VWA8: variants seen among roughly 807,000 people sequenced by gnomAD.
The protein encoded by VWA8 is von Willebrand factor A domain containing 8.
Under a neutral mutation model 241.5 loss-of-function variants are expected in VWA8, and 221 were observed. That is an observed-to-expected ratio of 0.91 (90% CI 0.82 to 1.02). The LOEUF is 1.02. VWA8 is among the 50% of genes least tolerant of loss of function. The pLI is 0.00. For synonymous variants in VWA8, 852 were observed against 827.1 expected (o/e 1.03, Z -0.52); for missense variants, 2,322 against 2,328.7 (o/e 1.00, Z 0.06).
At chr13:41,895,779 TATAAC>T (rs1202665065) in intron 4 of VWA8, among the ~76,000 whole-genome samples, 2 of 151,918 alleles carry the variant, frequency 1.3e-5, no homozygotes, top group Non-Finnish European at 2.9e-5. Context: ...GTTTTCAAGA[TATAAC>T]AAACTTCAGT....
Position 41,842,401 on chromosome 13 carries a change from T to C in VWA8, c.1426-8870A>G, listed in dbSNP as rs1028492793. On this transcript the variant is annotated intron_variant, in intron 12 of 44. Transcript: ENST00000379310. ...ATTTTTAACCTGTAGCACATAAAAT[T>C]AACTCCCTTTTATGTACAGGATGCG... Among the ~76,000 whole-genome samples the C allele has an allele frequency of 5.9e-5, 9 of 152,218 alleles. No individual in the cohort carries two copies. The East Asian group carries it at 1.7e-3, about 29-fold the overall frequency.
chr13:41,874,345 CAGGAG>C (rs1873795735), intron 9 of VWA8, among the ~76,000 whole-genome samples: 2 of 151,482 alleles, frequency 1.3e-5, no homozygotes, highest in South Asian at 4.2e-4. Context: ...GGCAATTAGG[CAGGAG>C]AAGGAAATAA....
intron 42 of VWA8, among the ~76,000 whole-genome samples, chr13:41,576,937 C>A (rs925261491): frequency 3.3e-5 from 5 of 152,204 alleles, no homozygotes; most frequent in Non-Finnish European, 7.3e-5. Flanking sequence ...GTGTGGACAC[C>A]CAGTGCTGAC....
intron 17 of VWA8, among the ~76,000 whole-genome samples, chr13:41,803,180 T>C (rs1204464749): frequency 3.9e-5 from 6 of 152,164 alleles, no homozygotes; most frequent in Non-Finnish European, 7.4e-5. Context: ...TTTGAATACT[T>C]GGAAATCTTT....
At chr13:41,870,574 G>T (rs1873545925) in intron 9 of VWA8, among the ~76,000 whole-genome samples, 1 of 151,354 alleles carries the variant, frequency 6.6e-6, no homozygotes, top group Non-Finnish European at 1.5e-5. Context: ...AGGAAGAGGA[G>T]GTTGCAGTGA....
chr13:41,933,549 TG>T (rs887199597), intron 2 of VWA8, among the ~76,000 whole-genome samples: 3 of 152,006 alleles, frequency 2.0e-5, no homozygotes, highest in Admixed American at 6.5e-5. Context: ...TAACATTATC[TG>T]ATTTCCAGAC....
intron 37 of VWA8, among the ~76,000 whole-genome samples, chr13:41,638,256 A>G (rs2044772002): frequency 1.3e-5 from 2 of 152,232 alleles, no homozygotes; most frequent in Non-Finnish European, 2.9e-5. Flanking sequence ...ATGATGCATT[A>G]AAGAATTACT....
intron 9 of VWA8, among the ~76,000 whole-genome samples, chr13:41,880,766 G>A (rs1047156318): frequency 5.9e-5 from 9 of 152,116 alleles, no homozygotes; most frequent in African/African-American, 2.2e-4. Flanking sequence ...GGGGAATTTG[G>A]GAGGCATACA....
rs373621049 is a variant in VWA8 at position 41,887,401 on chromosome 13, T to G, written c.652-40A>C. 1,440 of 1,580,768 alleles carry G rather than the reference T, an allele frequency of 9.1e-4. 17 individuals are homozygous for G. The South Asian group carries it at 0.016, about 17-fold the overall frequency. ...GATCCGGAAGCTATAGCATAAATGATACAAATCACAACTGTAAGAGCTGCC... is the reference window on the plus strand; with the variant it reads ...GATCCGGAAGCTATAGCATAAATGAGACAAATCACAACTGTAAGAGCTGCC... On this transcript the variant is annotated intron_variant, in intron 5 of 44. Transcript: ENST00000379310.
Position 41,575,836 on chromosome 13 carries a change from A to G in VWA8, c.5274T>C (p.Tyr1758=), listed in dbSNP as rs747961395. 2 of 1,607,766 alleles carry G rather than the reference A, an allele frequency of 1.2e-6. No homozygotes were observed. Among genetic ancestry groups the G allele is most frequent in the East Asian group, 2.2e-5 (1 of 44,848 alleles). ...CATCTCCAGAGTGTCCAACGATGTC[A>G]TACTACATGCAAGAGAACCAGAAAG... is the stretch of plus-strand genomic sequence containing the variant. The part of the protein sequence containing the change: ...AFENYEEKFQ[Y]DIVGHSGDGY... Residue 1758 remains tyrosine (Y), a splice_region_variant and synonymous_variant, in exon 43 of 45, where the codon TAT becomes TAC. Coordinates refer to ENST00000379310, the MANE Select transcript of VWA8 (RefSeq NM_015058.2).
At chr13:41,834,212 T>A (rs958937129) in intron 12 of VWA8, among the ~76,000 whole-genome samples, 2 of 152,234 alleles carry the variant, frequency 1.3e-5, no homozygotes, top group Non-Finnish European at 2.9e-5. Context: ...AAACTATTAA[T>A]AGTTGTGGCA....
At chr13:41,715,030 C>G (rs977628234) in intron 26 of VWA8, among the ~76,000 whole-genome samples, 1 of 151,838 alleles carries the variant, frequency 6.6e-6, no homozygotes, top group African/African-American at 2.4e-5. Flanking sequence ...TTACATATAG[C>G]CCAGCTGTAC....
At chr13:41,675,774 C>T (rs1042146669) in intron 35 of VWA8, among the ~76,000 whole-genome samples, 1 of 152,090 alleles carries the variant, frequency 6.6e-6, no homozygotes, top group Non-Finnish European at 1.5e-5. Flanking sequence ...GGGATAACAA[C>T]CCCACTGTAA....
intron 21 of VWA8, among the ~76,000 whole-genome samples, chr13:41,754,691 C>T (rs1183738049): frequency 6.6e-6 from 1 of 152,064 alleles, no homozygotes; most frequent in Non-Finnish European, 1.5e-5. Flanking sequence ...AATACTACAT[C>T]ATATGTATTC....
At chr13:41,723,409 C>T (rs2045408062) in intron 24 of VWA8, among the ~76,000 whole-genome samples, 1 of 152,164 alleles carries the variant, frequency 6.6e-6, no homozygotes, top group Admixed American at 6.6e-5. Flanking sequence ...CCTTCTGTGG[C>T]AGGCTAACTT....
At chr13:41,958,252 T>A (rs1449823984) in intron 1 of VWA8, among the ~76,000 whole-genome samples, 1 of 152,190 alleles carries the variant, frequency 6.6e-6, no homozygotes, top group Non-Finnish European at 1.5e-5. Context: ...AAACGACAAT[T>A]CCAGCCTCTC....
intron 31 of VWA8, 21 bp downstream of exon 31, chr13:41,691,853 C>A (rs1422793058): frequency 1.9e-6 from 3 of 1,569,984 alleles, no homozygotes; most frequent in Non-Finnish European, 1.7e-6. Context: ...CAGTTTAAAT[C>A]CTCTATAATA....
At chr13:41,863,871 C>T (rs748796786) in intron 12 of VWA8, among the ~76,000 whole-genome samples, 2 of 151,902 alleles carry the variant, frequency 1.3e-5, no homozygotes, top group South Asian at 2.1e-4. Context: ...GCCTGGGTGA[C>T]GGAATCATTT....
intron 26 of VWA8, among the ~76,000 whole-genome samples, chr13:41,710,068 G>A (rs1315403862): frequency 2.0e-5 from 3 of 152,044 alleles, no homozygotes; most frequent in Admixed American, 6.5e-5. Context: ...CTAAGTAAGC[G>A]TCTGGTAAAT....
Sources: gnomAD v4.1 joint callset for allele counts (sites outside exome capture counted in the v4.1 genomes callset) on GRCh38, gnomAD v4.1.1 for gene constraint, MANE v1.5 for transcripts, NCBI Gene and HGNC (gene_info 2026-07-23, HGNC 2026-07-21) for gene names.